The following HSPA12A variants were observed in gnomAD, a reference collection of about 807,000 sequenced individuals.
HSPA12A encodes the protein heat shock 70 kDa protein 12A.
In HSPA12A, 28 loss-of-function variants were observed where a neutral mutation model predicts 69.2. The observed-to-expected ratio is 0.40, with a 90% CI of 0.30 to 0.55. HSPA12A has a LOEUF of 0.55. Among genes scored for constraint, HSPA12A ranks in the 20% least tolerant of loss-of-function variants. The probability of loss-of-function intolerance (pLI) is 0.38; values close to 1 mark genes in which losing one functional copy is unlikely to be tolerated. For missense variants in HSPA12A, 686 were observed against 900.7 expected (o/e 0.76, Z 3.05); for synonymous variants, 345 against 370.5 (o/e 0.93, Z 0.79).
At chr10:116,844,990 T>C (rs1446285481) in intron 1 of HSPA12A, among the ~76,000 whole-genome samples, 13 of 152,202 alleles carry the variant, frequency 8.5e-5, no homozygotes, top group Admixed American at 8.5e-4. Context: ...CAGATTGCAA[T>C]AGATTATGTC....
rs1319577561 is a variant in HSPA12A at position 116,740,648 on chromosome 10, GTGTGTGTGTGTGTGTGTGTGTGTGTGTC to G, written c.40+1754_40+1781del. ...ATTTCTCCCAGCACCGTGTGTGTGT[GTGTGTGTGTGTGTGTGTGTGTGTGTGTC>G]TGTGTGTGTGTGTGTGTGTGCGTGT... is the stretch of plus-strand genomic sequence containing the variant. On this transcript the variant is annotated intron_variant, in intron 1 of 11. Transcript: ENST00000369209. Among the ~76,000 whole-genome samples the G allele has an allele frequency of 2.5e-3, 32 of 12,720 alleles. No individual in the cohort carries two copies. In the South Asian group the frequency reaches 0.025, roughly 10 times the overall value. 8.3% of individuals were successfully genotyped at this position (12,720 alleles called of 152,430 possible).
chr10:116,849,407 C>T lies in HSPA12A; in HGVS notation c.3+159G>A, dbSNP rs1202462638. On this transcript the variant is annotated intron_variant, in intron 1 of 12. Coordinates refer to the HSPA12A transcript ENST00000635765. ...ACAGAGCAGCGAGCGCAAATACCATCCTAGCTCCAATAAAAGGGAACGACT... is the reference window on the plus strand; with the variant it reads ...ACAGAGCAGCGAGCGCAAATACCATTCTAGCTCCAATAAAAGGGAACGACT... The T allele has an allele frequency of 5.8e-6, 6 of 1,040,426 alleles. No individual in the cohort carries two copies. In the South Asian group the frequency reaches 8.9e-5, roughly 15 times the overall value. 64.4% of individuals were successfully genotyped at this position (1,040,426 alleles called of 1,614,324 possible). A position where few individuals can be genotyped will look rare whatever the true frequency, so the allele number is the denominator to read the frequency against.
intron 2 of HSPA12A, among the ~76,000 whole-genome samples, chr10:116,751,993 C>T (rs1851786523): frequency 6.6e-6 from 1 of 152,240 alleles, no homozygotes; most frequent in Non-Finnish European, 1.5e-5. Context: ...GAGCCATTTA[C>T]ACTTCTTTTC....
At chr10:116,709,430 G>C (rs1341219450) in intron 1 of HSPA12A, among the ~76,000 whole-genome samples, 4 of 140,078 alleles carry the variant, frequency 2.9e-5, no homozygotes, top group South Asian at 2.2e-4. Context: ...CCTGGTGACA[G>C]AGCAAGACTC....
At chr10:116,781,303 A>AG (rs1844457407) in intron 2 of HSPA12A, among the ~76,000 whole-genome samples, 1 of 144,726 alleles carries the variant, frequency 6.9e-6, no homozygotes, top group Non-Finnish European at 1.5e-5. Context: ...AGAAAACAGA[A>AG]AAAAAAAAAT....
At chr10:116,780,911 G>A (rs550485657) in intron 2 of HSPA12A, among the ~76,000 whole-genome samples, 4 of 152,198 alleles carry the variant, frequency 2.6e-5, no homozygotes, top group African/African-American at 9.7e-5. Flanking sequence ...TTCAGCCAGA[G>A]ATTAATGAAA....
Position 116,676,454 on chromosome 10 carries a change from T to C in HSPA12A, c.1335A>G (p.Pro445=), listed in dbSNP as rs532284286. 1.9e-6 allele frequency: 3 copies of C among 1,614,090 alleles called. No homozygotes were observed. The highest frequency in any genetic ancestry group is 3.3e-5 in the Admixed American group (2 of 60,030). The change falls in exon 11 of 12, where the codon CCA becomes CCG. Residue 445 remains proline, a synonymous_variant. Transcript: ENST00000369209. ...GCTTAAAAAGGGCGTTCATGGCATC[T>C]GGACTCATCCGCAGCATCCCCTGCG... ...WSSQGMLRMS[P]DAMNALFKPT... is the part of the protein sequence containing the mutation.
chr10:116,803,060 A>G (rs1564824630), intron 2 of HSPA12A, among the ~76,000 whole-genome samples: 1 of 152,134 alleles, frequency 6.6e-6, no homozygotes, highest in East Asian at 1.9e-4. Flanking sequence ...GGAGATGAGG[A>G]TTGTTCGTTA....
chr10:116,807,962 A>G (rs1219338740), intron 2 of HSPA12A, among the ~76,000 whole-genome samples: 2 of 152,176 alleles, frequency 1.3e-5, no homozygotes, highest in African/African-American at 4.8e-5. Flanking sequence ...ACTGCTGGGC[A>G]AGTGTGTCCT....
intron 2 of HSPA12A, among the ~76,000 whole-genome samples, chr10:116,816,125 G>T (rs1366444908): frequency 6.6e-6 from 1 of 152,234 alleles, no homozygotes; most frequent in Non-Finnish European, 1.5e-5. Flanking sequence ...GCCGCAGAGA[G>T]GAGTGAGTGG....
rs1325015958 is a variant in HSPA12A at position 116,723,214 on chromosome 10, C to A, written c.41-15929G>T. Among the ~76,000 whole-genome samples, 1 of 151,910 alleles carries A rather than the reference C, an allele frequency of 6.6e-6. No homozygotes were observed. Among genetic ancestry groups the A allele is most frequent in the Non-Finnish European group, 1.5e-5 (1 of 67,938 alleles). ...CCATTACCCCCTAACCATTGCCCCC[C>A]CATCATTCCTGTCCTCATACAACCC... On this transcript the variant is annotated intron_variant, in intron 1 of 11. Coordinates refer to ENST00000369209, the MANE Select transcript of HSPA12A (RefSeq NM_025015.3). This position sits in a 1 kb window ranked among gnomAD's most constrained non-coding sequence, Gnocchi z 4.1.
At position 116,805,998 on chromosome 10, in the gene HSPA12A, A is replaced by G. The variant is rs553340865; in HGVS notation, c.91+28937T>C. Among the ~76,000 whole-genome samples, 3 of 152,258 alleles carry G rather than the reference A, an allele frequency of 2.0e-5. No homozygotes were observed. The South Asian group carries it at 6.2e-4, about 32-fold the overall frequency. On this transcript the variant is annotated intron_variant, in intron 2 of 12. Transcript: ENST00000635765. ...GTGGGCCTTTGGTCCAACGTGAGAG[A>G]TGCATACTGTCATCCTTGGGCCACC...
chr10:116,824,173 A>G (rs1321122982), intron 2 of HSPA12A, among the ~76,000 whole-genome samples: 2 of 152,226 alleles, frequency 1.3e-5, no homozygotes, highest in Admixed American at 6.5e-5. Context: ...ATCATAAGGT[A>G]TAAGTGAAAT....
At chr10:116,822,689 T>C (rs1202849445) in intron 2 of HSPA12A, among the ~76,000 whole-genome samples, 1 of 152,208 alleles carries the variant, frequency 6.6e-6, no homozygotes, top group Non-Finnish European at 1.5e-5. Flanking sequence ...CAAGCCTCTA[T>C]CCTTTGCAAA....
At chr10:116,719,167 T>C (rs1450955578) in intron 1 of HSPA12A, among the ~76,000 whole-genome samples, 1 of 152,210 alleles carries the variant, frequency 6.6e-6, no homozygotes, top group East Asian at 1.9e-4. Context: ...CCTGATAACT[T>C]GGGGTAGATC....
At chr10:116,711,656 TC>T (rs1554883085) in intron 1 of HSPA12A, among the ~76,000 whole-genome samples, 3 of 18,956 alleles carry the variant, frequency 1.6e-4, no homozygotes, top group Non-Finnish European at 2.7e-4. Flanking sequence ...ACTGACTCTT[TC>T]TTTTTTTTTC....
chr10:116,736,236 T>C (rs993770213), intron 1 of HSPA12A, among the ~76,000 whole-genome samples: 3 of 152,154 alleles, frequency 2.0e-5, no homozygotes, highest in Non-Finnish European at 4.4e-5. Flanking sequence ...AGGACCCTAC[T>C]GAGATTGAAT....
Position 116,759,060 on chromosome 10 carries a change from C to A in HSPA12A, c.92-51775G>T, listed in dbSNP as rs138723138. Among the ~76,000 whole-genome samples the A allele has an allele frequency of 3.2e-3, 489 of 152,328 alleles. 2 individuals carry two copies. Among genetic ancestry groups the A allele is most frequent in the African/African-American group, 0.011 (463 of 41,580 alleles). On this transcript the variant is annotated intron_variant, in intron 2 of 12. Transcript: ENST00000635765. Reference sequence around the variant, plus strand: ...TCAGGACCTGAAGAAACAGCACATTCCCTCGTCTCAGAGAGATGTCAGCCA... The same window carrying A: ...TCAGGACCTGAAGAAACAGCACATTACCTCGTCTCAGAGAGATGTCAGCCA...
chr10:116,764,124 G>T (rs1348308536), intron 2 of HSPA12A, among the ~76,000 whole-genome samples: 1 of 152,134 alleles, frequency 6.6e-6, no homozygotes, highest in African/African-American at 2.4e-5. Context: ...AGCTCCCAAG[G>T]CAGTGGTGAA....
Sources: allele counts gnomAD v4.1 joint callset (sites outside exome capture counted in the v4.1 genomes callset), GRCh38; gene constraint gnomAD v4.1.1; non-coding constraint Gnocchi (gnomAD v3.1); transcripts MANE v1.5; gene names NCBI Gene and HGNC (gene_info 2026-07-23, HGNC 2026-07-21).